SRBD1: variants seen among roughly 807,000 people sequenced by gnomAD.
SRBD1 encodes the protein S1 RNA-binding domain-containing protein 1.
SRBD1 carries 88 observed loss-of-function variants against 115.3 expected under a neutral mutation model. The ratio of observed to expected loss-of-function variants is 0.76; its 90% confidence interval spans 0.64 to 0.91. SRBD1 has a LOEUF of 0.91. Ranked by LOEUF, SRBD1 falls within the 40% of genes least tolerant of loss-of-function variation. The pLI is 0.00. For missense variants in SRBD1, 1,385 were observed against 1,177.4 expected, an observed-to-expected ratio of 1.18 and a Z score of -2.58; for synonymous variants, 509 against 407.7, an observed-to-expected ratio of 1.25 and a Z score of -2.99.
chr2:45,519,192 T>A (rs1279465475), intron 14 of SRBD1, among the ~76,000 whole-genome samples: 1 of 152,098 alleles, frequency 6.6e-6, no homozygotes, highest in East Asian at 1.9e-4. Context: ...AAACAAAATG[T>A]TTAGTTTTTA....
chr2:45,470,898 C>T (rs967984353), intron 16 of SRBD1, among the ~76,000 whole-genome samples: 1 of 152,134 alleles, frequency 6.6e-6, no homozygotes, highest in African/African-American at 2.4e-5. Flanking sequence ...GGAACGCTGC[C>T]TTTAGCATTT....
intron 14 of SRBD1, among the ~76,000 whole-genome samples, chr2:45,529,207 G>C (rs1671539448): frequency 6.6e-6 from 1 of 151,762 alleles, no homozygotes; most frequent in Non-Finnish European, 1.5e-5. Flanking sequence ...CTAGATTTTG[G>C]AGACAAATAT....
At chr2:45,561,698 T>G (rs1189118589) in intron 10 of SRBD1, among the ~76,000 whole-genome samples, 1 of 152,216 alleles carries the variant, frequency 6.6e-6, no homozygotes, top group African/African-American at 2.4e-5. Context: ...TAGATTTTTG[T>G]GAGGATCAAT....
Position 45,484,604 on chromosome 2 carries a change from A to G in SRBD1, c.1966+3636T>C, listed in dbSNP as rs377489951. On this transcript the variant is annotated intron_variant, in intron 15 of 20. Coordinates refer to ENST00000263736, the MANE Select transcript of SRBD1 (RefSeq NM_018079.5). The stretch of plus-strand genomic sequence containing the variant: ...TTTATTGAGGTGAAATTCCCATAAC[A>G]TATAATTAACTATTTTAAAGTACAG... Among the ~76,000 whole-genome samples the G allele has an allele frequency of 5.6e-4, 85 of 152,318 alleles. No homozygotes were observed. In the East Asian group the frequency reaches 0.013, roughly 22 times the overall value.
At chr2:45,433,456 C>G (rs1668398374) in intron 16 of SRBD1, among the ~76,000 whole-genome samples, 1 of 151,884 alleles carries the variant, frequency 6.6e-6, no homozygotes, top group Non-Finnish European at 1.5e-5. Context: ...AAAAGCTTTA[C>G]AGGAACAGTC....
chr2:45,542,066 C>T (rs2104015302), intron 14 of SRBD1, among the ~76,000 whole-genome samples: 1 of 152,342 alleles, frequency 6.6e-6, no homozygotes, highest in South Asian at 2.1e-4. Context: ...CAGCATGCAT[C>T]CATGGTGCAT....
intron 14 of SRBD1, among the ~76,000 whole-genome samples, chr2:45,528,664 A>C (rs1671522715): frequency 6.6e-6 from 1 of 151,884 alleles, no homozygotes; most frequent in South Asian, 2.1e-4. Context: ...AAGATGCAAA[A>C]GATGAAGCTC....
intron 16 of SRBD1, among the ~76,000 whole-genome samples, chr2:45,434,821 G>C (rs979552978): frequency 2.6e-5 from 4 of 151,052 alleles, no homozygotes; most frequent in African/African-American, 9.8e-5. Flanking sequence ...TGCACAATGT[G>C]CAGGTTTGTT....
chr2:45,415,596 A>C (rs1017449289), intron 18 of SRBD1, among the ~76,000 whole-genome samples: 2 of 142,346 alleles, frequency 1.4e-5, no homozygotes, highest in South Asian at 4.5e-4. Flanking sequence ...AATATACATA[A>C]AATATTTTTA....
intron 14 of SRBD1, among the ~76,000 whole-genome samples, chr2:45,522,868 T>C (rs1360543246): frequency 2.0e-5 from 3 of 152,202 alleles, no homozygotes; most frequent in African/African-American, 7.2e-5. Flanking sequence ...ACTGTTTATG[T>C]TATCAATAAT....
At chr2:45,480,871 C>G (rs1204221944) in intron 15 of SRBD1, among the ~76,000 whole-genome samples, 1 of 151,962 alleles carries the variant, frequency 6.6e-6, no homozygotes, top group Non-Finnish European at 1.5e-5. Flanking sequence ...AAATAAAGTT[C>G]TACTGAATGT....
intron 9 of SRBD1, among the ~76,000 whole-genome samples, chr2:45,572,330 A>C (rs1043089282): frequency 3.3e-5 from 5 of 152,156 alleles, no homozygotes; most frequent in African/African-American, 1.2e-4. Flanking sequence ...ATAGAGTTTC[A>C]GTTTTGCATG....
Position 45,574,616 on chromosome 2 carries a change from G to A in SRBD1, c.1169+11C>T. The A allele has an allele frequency of 1.9e-6, 3 of 1,611,314 alleles. No homozygotes were observed. The highest frequency in any genetic ancestry group is 2.7e-5 in the African/African-American group (2 of 74,854). On this transcript the variant is annotated intron_variant, in intron 8 of 20. Transcript: ENST00000263736. ...CCATAAAGCAGAAAACTCCATAAAA[G>A]AGATACTCACAAGTTCCGAATGAAG...
chr2:45,437,847 T>C (rs969347977), intron 16 of SRBD1, among the ~76,000 whole-genome samples: 1 of 152,186 alleles, frequency 6.6e-6, no homozygotes, highest in African/African-American at 2.4e-5. Flanking sequence ...AACTTGGATA[T>C]GGCAATGACT....
intron 4 of SRBD1, among the ~76,000 whole-genome samples, chr2:45,590,833 A>T (rs1005620237): frequency 6.6e-5 from 10 of 152,058 alleles, no homozygotes; most frequent in Admixed American, 2.0e-4. Flanking sequence ...CCTGATCAAT[A>T]TGATGAAACT....
intron 14 of SRBD1, among the ~76,000 whole-genome samples, chr2:45,538,638 C>T (rs1385856163): frequency 1.3e-5 from 2 of 152,060 alleles, no homozygotes; most frequent in African/African-American, 2.4e-5. Flanking sequence ...CAGCCAGGAA[C>T]GAACATGAGT....
At chr2:45,447,793 T>C (rs1471111150) in intron 16 of SRBD1, 1 of 152,190 alleles carries the variant, frequency 6.6e-6, no homozygotes, top group Non-Finnish European at 1.5e-5. Flanking sequence ...AAAAGCTGAG[T>C]ATATCAGAAT....
intron 14 of SRBD1, among the ~76,000 whole-genome samples, chr2:45,519,021 T>C (rs1671204033): frequency 1.3e-5 from 2 of 148,430 alleles, no homozygotes; most frequent in South Asian, 4.2e-4. Context: ...TAGCAAAGTA[T>C]ATTGAGAAAG....
Position 45,559,067 on chromosome 2 carries a change from T to C in SRBD1, c.1409+3586A>G, listed in dbSNP as rs12468939. On this transcript the variant is annotated intron_variant, in intron 10 of 20. Transcript: ENST00000263736. Reference sequence around the variant, plus strand: ...TCCACCCACCATTTAATCAGATACCTTGTCCTGCCCCTGTCTACCTCCTAA... The same window carrying C: ...TCCACCCACCATTTAATCAGATACCCTGTCCTGCCCCTGTCTACCTCCTAA... Among the ~76,000 whole-genome samples the C allele has an allele frequency of 9.4e-3, 1,435 of 152,246 alleles. 47 individuals are homozygous for C. The highest frequency in any genetic ancestry group is 0.065 in the East Asian group (336 of 5,172).
Sources: gnomAD v4.1 joint callset for allele counts (sites outside exome capture counted in the v4.1 genomes callset) on GRCh38, gnomAD v4.1.1 for gene constraint, MANE v1.5 for transcripts, NCBI Gene and HGNC (gene_info 2026-07-23, HGNC 2026-07-21) for gene names.